Variants in ATP8B1 observed in about 807,000 individuals in gnomAD.
The protein encoded by ATP8B1 is ATPase phospholipid transporting 8B1, also known as phospholipid-transporting ATPase IC.
In ATP8B1, 80 loss-of-function variants were observed where a neutral mutation model predicts 149.9. The observed-to-expected ratio is 0.53, with a 90% CI of 0.45 to 0.64. The LOEUF (loss-of-function observed/expected upper bound fraction) is 0.64. ATP8B1 is among the 30% of genes least tolerant of loss of function. The pLI, the probability that ATP8B1 is intolerant of heterozygous loss-of-function variation, is 0.00. For missense variants in ATP8B1, 1,247 were observed against 1,552.6 expected (o/e 0.80, Z 3.31); for synonymous variants, 536 against 562.8 (o/e 0.95, Z 0.67).
At chr18:57,791,316 A>T (rs546291722) in intron 1 of ATP8B1, among the ~76,000 whole-genome samples, 1 of 151,600 alleles carries the variant, frequency 6.6e-6, no homozygotes, top group African/African-American at 2.4e-5. Context: ...AGCATGTATT[A>T]AAATTTCCTT....
chr18:57,689,111 C>G (rs1186148592), intron 12 of ATP8B1, among the ~76,000 whole-genome samples: 2 of 152,148 alleles, frequency 1.3e-5, no homozygotes, highest in Non-Finnish European at 2.9e-5. Flanking sequence ...TTAGCCAAGG[C>G]ACCCATGTTC....
chr18:57,687,918 T>A (rs1912335360), intron 13 of ATP8B1, among the ~76,000 whole-genome samples: 1 of 152,042 alleles, frequency 6.6e-6, no homozygotes, highest in Admixed American at 6.6e-5. Flanking sequence ...TAGCTGGGAT[T>A]ATAGCTGTGC....
intron 12 of ATP8B1, among the ~76,000 whole-genome samples, chr18:57,689,943 C>A (rs760710013): frequency 6.6e-5 from 10 of 152,164 alleles, no homozygotes; most frequent in Non-Finnish European, 5.9e-5. Context: ...TTGAACCCAG[C>A]AGGTGGAGGT....
intron 8 of ATP8B1, among the ~76,000 whole-genome samples, chr18:57,696,780 C>T (rs1912838395): frequency 6.6e-6 from 1 of 152,200 alleles, no homozygotes; most frequent in African/African-American, 2.4e-5. Flanking sequence ...ATGGGTAATA[C>T]AGACGAATAA....
rs1000487112 is a variant in ATP8B1, at chr18:57,710,916, T to C, written c.182-4329A>G. On this transcript the variant is annotated intron_variant, in intron 2 of 27. Transcript: ENST00000648908. ...TCCCAAAGTGCCGGGATAATGGGCA[T>C]GAGCCACTGTACCTGGCCTCAAATG... 5.9e-5 allele frequency among the ~76,000 whole-genome samples: 9 copies of C among 152,342 alleles called. No homozygotes were observed. The South Asian group carries it at 1.9e-3, about 32-fold the overall frequency.
intron 2 of ATP8B1, among the ~76,000 whole-genome samples, chr18:57,719,872 GT>G (rs1467696008): frequency 1.3e-5 from 2 of 152,174 alleles, no homozygotes; most frequent in Non-Finnish European, 2.9e-5. Context: ...GAGAGCAGTG[GT>G]TCTCCCAGCA....
intron 3 of ATP8B1, among the ~76,000 whole-genome samples, chr18:57,705,046 G>C (rs1913320785): frequency 6.6e-6 from 1 of 152,206 alleles, no homozygotes; most frequent in Non-Finnish European, 1.5e-5. Flanking sequence ...CTGCACTCCA[G>C]CCTGAGTGAC....
intron 1 of ATP8B1, among the ~76,000 whole-genome samples, chr18:57,772,984 T>TC (rs1287483332): frequency 6.6e-6 from 1 of 151,972 alleles, no homozygotes; most frequent in Non-Finnish European, 1.5e-5. Context: ...GAGCGGTGGC[T>TC]CATGCCTGTA....
intron 15 of ATP8B1, 134 bp downstream of exon 15, chr18:57,683,902 C>T: frequency 1.7e-6 from 2 of 1,187,206 alleles, no homozygotes; most frequent in Non-Finnish European, 2.5e-6. Context: ...GTGGTAAGTG[C>T]TGAGAAATAT....
chr18:57,801,135 A>G (rs796648346), intron 1 of ATP8B1, among the ~76,000 whole-genome samples: 22 of 152,358 alleles, frequency 1.4e-4, no homozygotes, highest in African/African-American at 4.6e-4. Flanking sequence ...CTTAAAATCC[A>G]TAAGGAAAAC....
chr18:57,668,553 T>G lies in ATP8B1; in HGVS notation c.2098-13A>C. 1 of 296,796 alleles carries G rather than the reference T, an allele frequency of 3.4e-6. No homozygotes were observed. The highest frequency in any genetic ancestry group is 4.6e-6 in the Non-Finnish European group (1 of 218,178). The allele number at this position is 296,796 out of a possible 1,614,324, so 18.4% of individuals were successfully genotyped here. On this transcript the variant is annotated splice_polypyrimidine_tract_variant and intron_variant, in intron 18 of 27. Transcript: ENST00000648908. ...TAGCTCCCAGGAGCTAGAATGTATATTAAAAAAAAAAAAAAAAGGAATTAG... is the reference window on the plus strand; with the variant it reads ...TAGCTCCCAGGAGCTAGAATGTATAGTAAAAAAAAAAAAAAAAGGAATTAG...
At position 57,745,654 on chromosome 18, in the gene ATP8B1, CA is replaced by C. The variant is rs1171254376; in HGVS notation, c.-25-13823del. On this transcript the variant is annotated intron_variant, in intron 1 of 27. Transcript: ENST00000648908. ...TGTCCAACAAGATCTCATGGTTTTA[CA>C]ATTTTTTTTTTTTTTTTCTGACGCA... is the stretch of plus-strand genomic sequence containing the variant. Among the ~76,000 whole-genome samples, 432 of 83,170 alleles carry C rather than the reference CA, an allele frequency of 5.2e-3. 2 individuals are homozygous for C. The highest frequency in any genetic ancestry group is 0.019 in the African/African-American group (420 of 21,788). The allele number at this position is 83,170 out of a possible 152,430, so 54.6% of individuals were successfully genotyped here. A position where few individuals can be genotyped will look rare whatever the true frequency, so the allele number is the denominator to read the frequency against.
At chr18:57,758,677 G>A (rs1599202536) in intron 1 of ATP8B1, among the ~76,000 whole-genome samples, 1 of 147,536 alleles carries the variant, frequency 6.8e-6, no homozygotes, top group African/African-American at 2.5e-5. Flanking sequence ...AAAGATAGTT[G>A]TATTTTTCCT....
intron 6 of ATP8B1, among the ~76,000 whole-genome samples, 193 bp from the exon 7 acceptor site, chr18:57,698,060 ATGAATGACTT>A (rs1358742426): frequency 6.6e-6 from 1 of 152,242 alleles, no homozygotes; most frequent in Non-Finnish European, 1.5e-5. Flanking sequence ...GGAAGCAATG[ATGAATGACTT>A]TGATACATTC....
Position 57,691,789 on chromosome 18 carries a change from CAG to C in ATP8B1, c.1220+16_1220+17del, listed in dbSNP as rs1435441492. ...ACATTCTTCCATTAAAGCAAAATGC[CAG>C]AGAGGACAGCCTTACCTGACATAGA... is the stretch of plus-strand genomic sequence containing the variant. On this transcript the variant is annotated intron_variant, in intron 12 of 27. Transcript: ENST00000648908. 3.7e-6 allele frequency: 6 copies of C among 1,613,444 alleles called. No individual in the cohort carries two copies. Among genetic ancestry groups the C allele is most frequent in the Non-Finnish European group, 4.2e-6 (5 of 1,179,786 alleles).
chr18:57,733,491 G>T (rs1040636674), intron 1 of ATP8B1, among the ~76,000 whole-genome samples: 2 of 152,084 alleles, frequency 1.3e-5, no homozygotes, highest in African/African-American at 2.4e-5. Flanking sequence ...CGGATCACGA[G>T]GTCAGGAGAT....
At chr18:57,687,412 G>A (rs1179882442) in intron 13 of ATP8B1, among the ~76,000 whole-genome samples, 1 of 152,088 alleles carries the variant, frequency 6.6e-6, no homozygotes, top group African/African-American at 2.4e-5. Context: ...TTCCATTATT[G>A]GAACGCTAAG....
At chr18:57,765,551 C>T (rs888468352) in intron 1 of ATP8B1, among the ~76,000 whole-genome samples, 12 of 151,714 alleles carry the variant, frequency 7.9e-5, no homozygotes, top group Non-Finnish European at 1.6e-4. Flanking sequence ...CACCTGTAGT[C>T]CCAGCTACTT....
intron 1 of ATP8B1, among the ~76,000 whole-genome samples, chr18:57,779,893 G>A (rs865921062): frequency 1.6e-4 from 21 of 128,422 alleles, no homozygotes; most frequent in Middle Eastern, 4.6e-3. Context: ...GCAAAACTCC[G>A]TCTCAAAAAA....
Sources: gnomAD v4.1 joint callset for allele counts (sites outside exome capture counted in the v4.1 genomes callset) on GRCh38, gnomAD v4.1.1 for gene constraint, MANE v1.5 for transcripts, NCBI Gene and HGNC (gene_info 2026-07-23, HGNC 2026-07-21) for gene names.